MAMDC2: variants seen among roughly 807,000 people sequenced by gnomAD.
MAMDC2 encodes the protein MAM domain-containing protein 2.
Under a neutral mutation model 89.8 loss-of-function variants are expected in MAMDC2, and 57 were observed. The observed-to-expected ratio is 0.63, with a 90% CI of 0.51 to 0.79. The LOEUF (loss-of-function observed/expected upper bound fraction) is 0.79, where lower values mean the gene tolerates loss of function less well. Ranked by LOEUF, MAMDC2 falls within the 30% of genes least tolerant of loss-of-function variation. The pLI is 0.00. For synonymous variants in MAMDC2, 313 were observed against 293.4 expected, an observed-to-expected ratio of 1.07 and a Z score of -0.68; for missense variants, 800 against 820.6, an observed-to-expected ratio of 0.97 and a Z score of 0.31.
At chr9:70,201,978 A>G (rs146866677) in intron 11 of MAMDC2, among the ~76,000 whole-genome samples, 19,800 of 149,916 alleles carry the variant, frequency 0.13, 1,582 homozygotes, top group African/African-American at 0.22. Flanking sequence ...CGGTCTATCA[A>G]TTTTGTTGAT....
chr9:70,109,565 G>A (rs964635347), intron 3 of MAMDC2, among the ~76,000 whole-genome samples, 155 bp from the exon 4 acceptor site: 6 of 152,226 alleles, frequency 3.9e-5, no homozygotes, highest in Non-Finnish European at 8.8e-5. Context: ...AGTAAAGTCC[G>A]TAGTGAAATT....
intron 11 of MAMDC2, among the ~76,000 whole-genome samples, chr9:70,208,955 C>G (rs1036619378): frequency 2.0e-5 from 3 of 152,146 alleles, no homozygotes; most frequent in Non-Finnish European, 4.4e-5. Context: ...GTATGCTGAA[C>G]CAGCCTTGCA....
intron 2 of MAMDC2, among the ~76,000 whole-genome samples, chr9:70,084,112 T>A (rs145408719): frequency 1.6e-4 from 25 of 152,270 alleles, no homozygotes; most frequent in Middle Eastern, 3.4e-3. Flanking sequence ...TATGTTGGAA[T>A]CTTCTTCTGC....
At chr9:70,138,501 T>G (rs1017868634) in intron 7 of MAMDC2, among the ~76,000 whole-genome samples, 1 of 152,222 alleles carries the variant, frequency 6.6e-6, no homozygotes, top group African/African-American at 2.4e-5. Context: ...CCATAGTGGC[T>G]GTGCTAGTTT....
At chr9:70,164,202 C>T (rs1029657660) in intron 9 of MAMDC2, among the ~76,000 whole-genome samples, 2 of 152,124 alleles carry the variant, frequency 1.3e-5, no homozygotes, top group Non-Finnish European at 2.9e-5. Flanking sequence ...AAACATCCTA[C>T]AATGCACAGG....
At chr9:70,176,801 T>A (rs2032515824) in intron 11 of MAMDC2, among the ~76,000 whole-genome samples, 1 of 152,206 alleles carries the variant, frequency 6.6e-6, no homozygotes, top group Non-Finnish European at 1.5e-5. Flanking sequence ...GGTGTTTTGT[T>A]CTTGTTCTTG....
At chr9:70,169,473 T>C (rs187188895) in intron 10 of MAMDC2, among the ~76,000 whole-genome samples, 1 of 152,352 alleles carries the variant, frequency 6.6e-6, no homozygotes, top group East Asian at 1.9e-4. Context: ...ATCTCCATGT[T>C]TATTTAATTA....
At chr9:70,114,798 G>A (rs867137621) in intron 5 of MAMDC2, among the ~76,000 whole-genome samples, 7 of 152,282 alleles carry the variant, frequency 4.6e-5, no homozygotes, top group South Asian at 4.1e-4. Flanking sequence ...TGTTAACAAA[G>A]GGTGGTATGT....
chr9:70,180,485 G>A (rs1052203514), intron 11 of MAMDC2, among the ~76,000 whole-genome samples: 1 of 151,314 alleles, frequency 6.6e-6, no homozygotes. Context: ...CACCAACAGT[G>A]TAAAAGCATT....
At chr9:70,121,012 A>G (rs1437044730) in intron 5 of MAMDC2, among the ~76,000 whole-genome samples, 1 of 152,174 alleles carries the variant, frequency 6.6e-6, no homozygotes, top group Admixed American at 6.5e-5. Flanking sequence ...GCTTGTCCAG[A>G]CAACCAGCAA....
intron 11 of MAMDC2, among the ~76,000 whole-genome samples, chr9:70,195,955 G>A (rs928624268): frequency 6.6e-6 from 1 of 152,102 alleles, no homozygotes; most frequent in Non-Finnish European, 1.5e-5. Context: ...AGACATACTT[G>A]AGACTGGATA....
chr9:70,210,182 G>C (rs1452715728), intron 11 of MAMDC2, among the ~76,000 whole-genome samples: 1 of 152,114 alleles, frequency 6.6e-6, no homozygotes, highest in African/African-American at 2.4e-5. Flanking sequence ...TCAATTCCTG[G>C]ATATCCTTGT....
chr9:70,108,163 G>A, intron 2 of MAMDC2, 48 bp from the exon 3 acceptor site: 1 of 1,492,602 alleles, frequency 6.7e-7, no homozygotes, highest in Non-Finnish European at 8.9e-7. Flanking sequence ...ATTTTTCCAG[G>A]TTGCAAACAA....
chr9:70,055,093 G>T (rs553151146), intron 2 of MAMDC2, among the ~76,000 whole-genome samples: 1 of 152,238 alleles, frequency 6.6e-6, no homozygotes, highest in African/African-American at 2.4e-5. Context: ...TTTATAAGCT[G>T]CAGGAGAATG....
intron 11 of MAMDC2, chr9:70,194,148 CCAAA>C (rs1165368830): frequency 6.6e-6 from 1 of 152,092 alleles, no homozygotes; most frequent in Non-Finnish European, 1.5e-5. Flanking sequence ...TATGGAAAGA[CCAAA>C]CAATGAGCTG....
intron 11 of MAMDC2, among the ~76,000 whole-genome samples, chr9:70,187,643 C>A (rs1346014446): frequency 6.6e-6 from 1 of 152,066 alleles, no homozygotes; most frequent in Non-Finnish European, 1.5e-5. Context: ...CTTTACCCCA[C>A]CCCCAGAAAA....
At chr9:70,139,159 T>C (rs1308197720) in intron 7 of MAMDC2, among the ~76,000 whole-genome samples, 1 of 150,950 alleles carries the variant, frequency 6.6e-6, no homozygotes, top group Non-Finnish European at 1.5e-5. Flanking sequence ...TTAGGGTACA[T>C]GTGCACAATG....
At chr9:70,196,506 A>G (rs1420196875) in intron 11 of MAMDC2, among the ~76,000 whole-genome samples, 1 of 152,132 alleles carries the variant, frequency 6.6e-6, no homozygotes, top group Non-Finnish European at 1.5e-5. Flanking sequence ...GGATCCCCTG[A>G]AACAAGTGAC....
intron 11 of MAMDC2, among the ~76,000 whole-genome samples, chr9:70,208,494 A>G (rs1322073238): frequency 6.6e-6 from 1 of 152,156 alleles, no homozygotes; most frequent in Non-Finnish European, 1.5e-5. Context: ...GTATCCTGAG[A>G]CTTTGCTGAA....
Sources: allele counts gnomAD v4.1 joint callset (sites outside exome capture counted in the v4.1 genomes callset), GRCh38; gene constraint gnomAD v4.1.1; transcripts MANE v1.5; gene names NCBI Gene and HGNC (gene_info 2026-07-23, HGNC 2026-07-21).